MYO18B: variants seen among roughly 807,000 people sequenced by gnomAD.
The protein encoded by MYO18B is unconventional myosin-XVIIIb.
Under a neutral mutation model 273.0 loss-of-function variants are expected in MYO18B, and 204 were observed. The ratio of observed to expected loss-of-function variants is 0.75; its 90% CI spans 0.67 to 0.84. The LOEUF (loss-of-function observed/expected upper bound fraction) is 0.84, where lower values mean the gene tolerates loss of function less well. Among genes scored for constraint, MYO18B ranks in the 40% least tolerant of loss-of-function variants. The pLI is 0.00. For missense variants in MYO18B, 3,212 were observed against 3,287.6 expected, an observed-to-expected ratio of 0.98 and a Z score of 0.56; for synonymous variants, 1,330 against 1,305.7, an observed-to-expected ratio of 1.02 and a Z score of -0.40.
intron 25 of MYO18B, among the ~76,000 whole-genome samples, chr22:25,886,313 A>G (rs1257329330): frequency 6.6e-6 from 1 of 152,180 alleles, no homozygotes; most frequent in African/African-American, 2.4e-5. Context: ...TCTCTGGGGA[A>G]CCCGGGAGCC....
chr22:26,025,356 C>A (rs1282774756), intron 42 of MYO18B, among the ~76,000 whole-genome samples: 2 of 152,200 alleles, frequency 1.3e-5, no homozygotes, highest in Non-Finnish European at 2.9e-5. Flanking sequence ...TGTTACCCAA[C>A]TGGGTAAGCA....
intron 3 of MYO18B, among the ~76,000 whole-genome samples, chr22:25,765,825 G>C (rs16986612): frequency 0.24 from 36,144 of 152,044 alleles, 4,489 homozygotes; most frequent in African/African-American, 0.3. Flanking sequence ...CCATGTTACT[G>C]TCTCCTCTGT....
intron 33 of MYO18B, among the ~76,000 whole-genome samples, chr22:25,913,202 C>T (rs5761310): frequency 0.38 from 57,205 of 152,038 alleles, 12,114 homozygotes; most frequent in East Asian, 0.51. Context: ...CAGTTTCCAT[C>T]GTCACTAGCC....
intron 39 of MYO18B, among the ~76,000 whole-genome samples, chr22:25,968,512 T>C (rs2093003170): frequency 6.6e-6 from 1 of 152,102 alleles, no homozygotes; most frequent in Non-Finnish European, 1.5e-5. Context: ...CTTCTCTGCT[T>C]GTGTTCCTGC....
intron 39 of MYO18B, among the ~76,000 whole-genome samples, chr22:25,972,958 GAAAA>G (rs66647025): frequency 3.7e-5 from 3 of 80,648 alleles, no homozygotes; most frequent in Admixed American, 1.5e-4. Flanking sequence ...TGTCTCAAAG[GAAAA>G]AAAAAAAAAA....
chr22:25,882,298 C>T (rs1210258191), intron 25 of MYO18B, among the ~76,000 whole-genome samples: 1 of 151,996 alleles, frequency 6.6e-6, no homozygotes, highest in Non-Finnish European at 1.5e-5. Flanking sequence ...CACTGAACTT[C>T]CTAGCAGCGA....
chr22:25,997,962 C>CACAA (rs1284853569), intron 40 of MYO18B, among the ~76,000 whole-genome samples: 1 of 128,760 alleles, frequency 7.8e-6, no homozygotes, highest in African/African-American at 3.3e-5. Context: ...CACACAAACA[C>CACAA]ACACACACAC....
chr22:26,047,223 T>C, the MYO18B span, among the ~76,000 whole-genome samples: 1 of 150,950 alleles, frequency 6.6e-6, no homozygotes, highest in East Asian at 2.0e-4. Context: ...GCCTCCCGGG[T>C]TCACGCCATT....
At chr22:25,804,036 G>A (rs2088346894) in intron 12 of MYO18B, among the ~76,000 whole-genome samples, 2 of 150,876 alleles carry the variant, frequency 1.3e-5, no homozygotes, top group Non-Finnish European at 2.9e-5. Flanking sequence ...AAACCACAGA[G>A]GGAATCTTCT....
At chr22:26,020,707 C>T (rs1409576401) in intron 42 of MYO18B, among the ~76,000 whole-genome samples, 2 of 152,124 alleles carry the variant, frequency 1.3e-5, no homozygotes, top group African/African-American at 4.8e-5. Context: ...ATGCATATGG[C>T]ATGCATCATC....
chr22:25,919,483 G>C (rs1041287624), intron 33 of MYO18B, among the ~76,000 whole-genome samples: 2 of 152,152 alleles, frequency 1.3e-5, no homozygotes, highest in African/African-American at 4.8e-5. Flanking sequence ...TGCATCAATA[G>C]CTATAAAGTG....
At chr22:25,901,511 C>T (rs2091934732) in intron 29 of MYO18B, 1 of 152,164 alleles carries the variant, frequency 6.6e-6, no homozygotes, top group Non-Finnish European at 1.5e-5. Flanking sequence ...GGCATTAATT[C>T]CCTGGATGAC....
At position 25,888,559 on chromosome 22, in the gene MYO18B, G is replaced by A. The variant is rs140597693; in HGVS notation, c.4315-2197G>A. ...TTACAAACATGAGCTATCATGCTCT[G>A]CCCTAGAATTTGCATTTTAACAACC... On this transcript the variant is annotated intron_variant, in intron 25 of 43. Coordinates refer to ENST00000335473, the MANE Select transcript of MYO18B (RefSeq NM_032608.7). Among the ~76,000 whole-genome samples, 14 of 152,272 alleles carry A rather than the reference G, an allele frequency of 9.2e-5. No homozygotes were observed. In the East Asian group the frequency reaches 2.7e-3, roughly 29 times the overall value.
Position 25,903,782 on chromosome 22 carries a change from A to C in MYO18B, c.5099A>C (p.Gln1700Pro), listed in dbSNP as rs780767548. 2 of 1,604,038 alleles carry C rather than the reference A, an allele frequency of 1.2e-6. No homozygotes were observed. The highest frequency in any genetic ancestry group is 2.7e-5 in the African/African-American group (2 of 74,638). Residue 1700 changes from glutamine (Q) to proline (P), a missense_variant, in exon 31 of 44, where the codon CAA becomes CCA. By Grantham distance (76) the Gln-to-Pro change is moderately conservative. Transcript: ENST00000335473. ...LWKLESSALE[Q>P]QKIQSQQENT... ...AAGTTGGAATCCAGCGCCCTTGAGC[A>C]ACAGAAAATCCAGAGCCAGCAGGAA...
In MYO18B at chr22:25,760,996, C is replaced by G; in HGVS notation, c.-97C>G. On this transcript the variant is annotated 5_prime_UTR_variant, in exon 2 of 44. In the 5' UTR this introduces an upstream ATG that the reference lacks. Transcript: ENST00000335473. ...CCCTGTGTGTCAGTTCTGTGTCCATCTCATGTGCTGCGTGTGTCTGTAAAG... is the reference window on the plus strand; with the variant it reads ...CCCTGTGTGTCAGTTCTGTGTCCATGTCATGTGCTGCGTGTGTCTGTAAAG... 7.5e-7 allele frequency: 1 copy of G among 1,334,776 alleles called. No individual in the cohort carries two copies. The highest frequency in any genetic ancestry group is 1.1e-6 in the Non-Finnish European group (1 of 933,078). The allele number at this position is 1,334,776 out of a possible 1,614,324, so 82.7% of individuals were successfully genotyped here.
chr22:26,020,126 TG>T (rs1256465132), intron 42 of MYO18B, among the ~76,000 whole-genome samples: 1 of 152,166 alleles, frequency 6.6e-6, no homozygotes, highest in African/African-American at 2.4e-5. Flanking sequence ...TTCTCACCAC[TG>T]AGCCTCAGTT....
At chr22:25,879,400 A>G (rs1364013537) in intron 25 of MYO18B, among the ~76,000 whole-genome samples, 6 of 152,232 alleles carry the variant, frequency 3.9e-5, no homozygotes, top group Non-Finnish European at 7.3e-5. Flanking sequence ...GATTAGGGGT[A>G]TATCCTTGTA....
chr22:26,007,765 T>C (rs1413280456), intron 42 of MYO18B, among the ~76,000 whole-genome samples: 1 of 152,206 alleles, frequency 6.6e-6, no homozygotes, highest in Non-Finnish European at 1.5e-5. Flanking sequence ...ATTTATGGTA[T>C]GAACTGACAC....
chr22:25,842,998 A>T (rs2090130016), intron 17 of MYO18B, among the ~76,000 whole-genome samples: 1 of 152,146 alleles, frequency 6.6e-6, no homozygotes, highest in African/African-American at 2.4e-5. Context: ...CACTATACTA[A>T]AATATTTTAC....
Sources: allele counts gnomAD v4.1 joint callset (sites outside exome capture counted in the v4.1 genomes callset), GRCh38; gene constraint gnomAD v4.1.1; transcripts MANE v1.5; gene names NCBI Gene and HGNC (gene_info 2026-07-23, HGNC 2026-07-21).